The following BRD10 variants were observed in gnomAD, a reference collection of about 807,000 sequenced individuals.
BRD10 encodes uncharacterized bromodomain-containing protein 10.
the BRD10 span, among the ~76,000 whole-genome samples, chr9:5,933,348 C>A: frequency 6.6e-6 from 1 of 152,126 alleles, no homozygotes; most frequent in African/African-American, 2.4e-5. Context: ...AAGGGACAAG[C>A]AGTATTTTTC....
the BRD10 span, chr9:6,007,967 C>A: frequency 1.5e-6 from 2 of 1,290,552 alleles, no homozygotes; most frequent in Non-Finnish European, 2.0e-6. Flanking sequence ...TCACCGCCGG[C>A]GGGGCGGGGT....
chr9:5,891,803 T>A, the BRD10 span, among the ~76,000 whole-genome samples: 2 of 152,196 alleles, frequency 1.3e-5, no homozygotes, highest in Admixed American at 6.5e-5. Flanking sequence ...TTAGATAAAG[T>A]CAGGTCCTGG....
chr9:5,914,593 T>G, the BRD10 span, among the ~76,000 whole-genome samples: 56 of 151,840 alleles, frequency 3.7e-4, 1 homozygote, highest in African/African-American at 1.3e-3. Context: ...TCGGCTAATT[T>G]TTTGTATTTT....
At chr9:5,970,436 T>A in the BRD10 span, among the ~76,000 whole-genome samples, 2 of 152,258 alleles carry the variant, frequency 1.3e-5, no homozygotes, top group South Asian at 4.1e-4. Flanking sequence ...CCCCTTAAGA[T>A]TTTATTAGCA....
chr9:5,903,581 G>A, the BRD10 span, among the ~76,000 whole-genome samples: 2 of 152,192 alleles, frequency 1.3e-5, no homozygotes, highest in African/African-American at 4.8e-5. Context: ...CTGATAGAGA[G>A]ATGTTGAAGC....
At chr9:5,921,125 G>C in the BRD10 span, 1 of 1,613,870 alleles carries the variant, frequency 6.2e-7, no homozygotes. Context: ...TACTGGAACT[G>C]AATTACCACT....
At chr9:5,973,988 A>G in the BRD10 span, among the ~76,000 whole-genome samples, 4 of 152,334 alleles carry the variant, frequency 2.6e-5, no homozygotes, top group African/African-American at 9.6e-5. Flanking sequence ...AGTTGAAGAC[A>G]TAATGGCTGA....
chr9:5,917,865 A>T, the BRD10 span, among the ~76,000 whole-genome samples: 15 of 152,194 alleles, frequency 9.9e-5, no homozygotes, highest in Non-Finnish European at 1.5e-4. Context: ...AAAAAGAGAG[A>T]GATTTAGTGG....
chr9:5,884,544 C>T, the BRD10 span, among the ~76,000 whole-genome samples: 1 of 152,204 alleles, frequency 6.6e-6, no homozygotes. Flanking sequence ...TGAATGCCTA[C>T]TTAACTTCCA....
the BRD10 span, among the ~76,000 whole-genome samples, chr9:5,933,015 A>G: frequency 6.6e-6 from 1 of 152,224 alleles, no homozygotes; most frequent in Non-Finnish European, 1.5e-5. Context: ...ATGTGGATGT[A>G]ATAAAAATCA....
At chr9:5,901,932 A>AT in the BRD10 span, among the ~76,000 whole-genome samples, 1 of 151,936 alleles carries the variant, frequency 6.6e-6, no homozygotes, top group East Asian at 1.9e-4. Flanking sequence ...TTTTGTTGAG[A>AT]TTTTTTGCAT....
At chr9:5,936,461 C>A in the BRD10 span, among the ~76,000 whole-genome samples, 2 of 152,196 alleles carry the variant, frequency 1.3e-5, no homozygotes, top group African/African-American at 4.8e-5. Flanking sequence ...ATTAGAATTA[C>A]ATCTTAAAGA....
chr9:5,902,874 T>C, the BRD10 span, among the ~76,000 whole-genome samples: 1 of 152,148 alleles, frequency 6.6e-6, no homozygotes, highest in Non-Finnish European at 1.5e-5. Flanking sequence ...TTGGATTTAA[T>C]TTGCTGTTCT....
chr9:5,912,008 T>C, the BRD10 span, among the ~76,000 whole-genome samples: 5 of 152,252 alleles, frequency 3.3e-5, no homozygotes, highest in Non-Finnish European at 7.3e-5. Flanking sequence ...TAATTGAGTC[T>C]TTCAATCTGT....
the BRD10 span, chr9:5,920,351 G>A: frequency 6.2e-7 from 1 of 1,613,620 alleles, no homozygotes; most frequent in Non-Finnish European, 8.5e-7. Flanking sequence ...TGCCAAAGGT[G>A]TACTGGTATT....
the BRD10 span, chr9:5,988,257 A>G: frequency 1.2e-6 from 1 of 869,144 alleles, no homozygotes; most frequent in East Asian, 2.4e-5. Context: ...AATGCATTTT[A>G]GAACACTACT....
the BRD10 span, among the ~76,000 whole-genome samples, chr9:5,891,729 C>T: frequency 2.6e-5 from 4 of 152,228 alleles, no homozygotes; most frequent in East Asian, 3.9e-4. Context: ...AAAAAGAATC[C>T]TAGCCAAGGG....
the BRD10 span, chr9:5,988,687 A>G: frequency 1.6e-6 from 1 of 632,742 alleles, no homozygotes; most frequent in Admixed American, 2.9e-5. Context: ...CTAACTTTTT[A>G]TCCTCCCTAC....
the BRD10 span, among the ~76,000 whole-genome samples, chr9:5,998,953 C>A: frequency 6.6e-6 from 1 of 152,042 alleles, no homozygotes; most frequent in East Asian, 1.9e-4. Context: ...TTTTTAAATA[C>A]CTTCTACTAG....
Sources: gnomAD v4.1 joint callset for allele counts (sites outside exome capture counted in the v4.1 genomes callset) on GRCh38, gnomAD v4.1.1 for gene constraint, MANE v1.5 for transcripts, NCBI Gene and HGNC (gene_info 2026-07-23, HGNC 2026-07-21) for gene names.